The following PAPSS2 variants were observed in gnomAD, a reference collection of about 807,000 sequenced individuals.
PAPSS2 encodes the protein 3'-phosphoadenosine 5'-phosphosulfate synthase 2.
Under a neutral mutation model 66.5 loss-of-function variants are expected in PAPSS2, and 61 were observed. That is an observed-to-expected ratio of 0.92 (90% CI 0.75 to 1.14). The LOEUF (loss-of-function observed/expected upper bound fraction) is 1.14, where lower values mean the gene tolerates loss of function less well. PAPSS2 is among the 50% of genes most tolerant of loss of function. PAPSS2 has a pLI of 0.00. For synonymous variants in PAPSS2, 289 were observed against 287.5 expected, an observed-to-expected ratio of 1.01 and a Z score of -0.05; for missense variants, 708 against 789.6, an observed-to-expected ratio of 0.90 and a Z score of 1.24.
intron 9 of PAPSS2, among the ~76,000 whole-genome samples, chr10:87,729,772 G>A (rs1321369324): frequency 3.9e-5 from 6 of 152,122 alleles, no homozygotes; most frequent in South Asian, 4.1e-4. Flanking sequence ...CAGGGTGGGC[G>A]GATCACTTGA....
intron 1 of PAPSS2, among the ~76,000 whole-genome samples, chr10:87,676,841 C>A (rs1852954019): frequency 8.3e-6 from 1 of 120,464 alleles, no homozygotes; most frequent in African/African-American, 3.2e-5. Context: ...CCATTGTACT[C>A]CAGTCTGGAT....
chr10:87,699,223 T>A (rs1459678244), intron 1 of PAPSS2, among the ~76,000 whole-genome samples: 1 of 152,200 alleles, frequency 6.6e-6, no homozygotes, highest in Non-Finnish European at 1.5e-5. Context: ...TAGAGCTCAC[T>A]GCATTTCATT....
At chr10:87,689,675 A>AAG (rs1208554798) in intron 1 of PAPSS2, among the ~76,000 whole-genome samples, 61 of 149,960 alleles carry the variant, frequency 4.1e-4, no homozygotes, top group African/African-American at 1.5e-3. Context: ...CTCAAAAAAA[A>AAG]AAAAAAAGAA....
At chr10:87,724,832 T>G (rs1853639052) in intron 8 of PAPSS2, among the ~76,000 whole-genome samples, 1 of 64,702 alleles carries the variant, frequency 1.5e-5, no homozygotes, top group Non-Finnish European at 2.9e-5. Flanking sequence ...TATATAGGTA[T>G]ACAATAAATC....
chr10:87,739,172 G>A (rs1228065272), intron 9 of PAPSS2, among the ~76,000 whole-genome samples: 1 of 152,060 alleles, frequency 6.6e-6, no homozygotes, highest in African/African-American at 2.4e-5. Flanking sequence ...TCCATTTTGA[G>A]TTAAATTTTG....
In PAPSS2 at chr10:87,746,063, A is replaced by G. The variant is rs552856979; in HGVS notation, c.*93A>G. 8.4e-7 allele frequency: 1 copy of G among 1,196,768 alleles called. No individual in the cohort carries two copies. Among genetic ancestry groups the G allele is most frequent in the East Asian group, 2.4e-5 (1 of 42,466 alleles). The allele number at this position is 1,196,768 out of a possible 1,614,324, so 74.1% of individuals were successfully genotyped here. On this transcript the variant is annotated 3_prime_UTR_variant, in exon 13 of 13. Coordinates refer to ENST00000456849, the MANE Select transcript of PAPSS2 (RefSeq NM_001015880.2). ...CTTTGTATTAAATTGCTTCTCAATG[A>G]TGCATTTTAATCTTTTATAATGAAG...
chr10:87,710,918 A>C (rs963568865), intron 2 of PAPSS2, among the ~76,000 whole-genome samples: 2 of 152,076 alleles, frequency 1.3e-5, no homozygotes, highest in Non-Finnish European at 1.5e-5. Flanking sequence ...CAGGAGAATC[A>C]CTTGAACATA....
intron 9 of PAPSS2, among the ~76,000 whole-genome samples, chr10:87,730,297 A>G (rs1052991218): frequency 3.9e-5 from 6 of 152,220 alleles, no homozygotes; most frequent in African/African-American, 1.4e-4. Flanking sequence ...AGAAGCTTAT[A>G]TACCATCCTG....
At chr10:87,673,161 C>T (rs1246609849) in intron 1 of PAPSS2, among the ~76,000 whole-genome samples, 1 of 152,196 alleles carries the variant, frequency 6.6e-6, no homozygotes, top group Non-Finnish European at 1.5e-5. Flanking sequence ...TGAGTACTAG[C>T]TGTACTTCAT....
At chr10:87,732,760 T>C (rs936820111) in intron 9 of PAPSS2, among the ~76,000 whole-genome samples, 2 of 152,200 alleles carry the variant, frequency 1.3e-5, no homozygotes, top group Non-Finnish European at 2.9e-5. Flanking sequence ...TGCTGGCAGA[T>C]GGAACTCAGA....
intron 1 of PAPSS2, among the ~76,000 whole-genome samples, chr10:87,685,095 C>T (rs896644539): frequency 1.3e-5 from 2 of 152,176 alleles, no homozygotes; most frequent in Non-Finnish European, 2.9e-5. Flanking sequence ...CCCATTCATT[C>T]ACCTGCCATG....
At chr10:87,672,119 C>A (rs1196902451) in intron 1 of PAPSS2, among the ~76,000 whole-genome samples, 1 of 152,150 alleles carries the variant, frequency 6.6e-6, no homozygotes, top group Non-Finnish European at 1.5e-5. Flanking sequence ...AGGCCACTAA[C>A]ATAAAGAAAT....
chr10:87,734,804 C>T (rs919154400), intron 9 of PAPSS2, among the ~76,000 whole-genome samples: 1 of 149,120 alleles, frequency 6.7e-6, no homozygotes, highest in African/African-American at 2.5e-5. Flanking sequence ...TCCACCATTT[C>T]CTTCCTTCTT....
chr10:87,677,886 T>G (rs991420128), intron 1 of PAPSS2, among the ~76,000 whole-genome samples: 8 of 152,142 alleles, frequency 5.3e-5, no homozygotes, highest in Non-Finnish European at 1.0e-4. Context: ...TGATCACAGA[T>G]TTGAGAATAT....
At chr10:87,705,871 T>G (rs1335963637) in intron 1 of PAPSS2, among the ~76,000 whole-genome samples, 1 of 151,014 alleles carries the variant, frequency 6.6e-6, no homozygotes, top group Non-Finnish European at 1.5e-5. Flanking sequence ...GTAGCTGGGA[T>G]TACAGGCAAG....
chr10:87,702,467 G>A (rs2131924398), intron 1 of PAPSS2, among the ~76,000 whole-genome samples: 2 of 152,312 alleles, frequency 1.3e-5, no homozygotes, highest in Admixed American at 1.3e-4. Flanking sequence ...GCCTGATAGG[G>A]CAATCACTGG....
At chr10:87,707,533 A>G (rs1009308912) in intron 1 of PAPSS2, among the ~76,000 whole-genome samples, 26 of 151,836 alleles carry the variant, frequency 1.7e-4, no homozygotes, top group African/African-American at 5.1e-4. Flanking sequence ...TTCCCAAAGC[A>G]AAAAGAGGTG....
At chr10:87,676,304 CTG>C (rs1014610647) in intron 1 of PAPSS2, among the ~76,000 whole-genome samples, 11 of 152,270 alleles carry the variant, frequency 7.2e-5, no homozygotes, top group African/African-American at 2.6e-4. Flanking sequence ...CCAGATCTCA[CTG>C]TTGAACTTTG....
chr10:87,720,719 G>A (rs1589437063), intron 7 of PAPSS2, among the ~76,000 whole-genome samples: 1 of 148,156 alleles, frequency 6.7e-6, no homozygotes, highest in South Asian at 2.2e-4. Context: ...AAATAAAATA[G>A]TTCTGTCTAC....
Sources: allele counts gnomAD v4.1 joint callset (sites outside exome capture counted in the v4.1 genomes callset), GRCh38; gene constraint gnomAD v4.1.1; transcripts MANE v1.5; gene names NCBI Gene and HGNC (gene_info 2026-07-23, HGNC 2026-07-21).